PPP3CA: variants seen among roughly 807,000 people sequenced by gnomAD.
PPP3CA encodes the protein CAM-PRP catalytic subunit.
In PPP3CA, 14 loss-of-function variants were observed where a neutral mutation model predicts 66.5. That is an observed-to-expected ratio of 0.21 (90% confidence interval 0.14 to 0.33). The LOEUF (loss-of-function observed/expected upper bound fraction) is 0.33, where lower values mean the gene tolerates loss of function less well. PPP3CA is among the 10% of genes least tolerant of loss of function. PPP3CA has a pLI of 1.00. For synonymous variants in PPP3CA, 232 were observed against 226.2 expected, an observed-to-expected ratio of 1.03 and a Z score of -0.23; for missense variants, 317 against 639.5, an observed-to-expected ratio of 0.50 and a Z score of 5.44.
chr4:101,212,763 A>G (rs535360857), intron 1 of PPP3CA, among the ~76,000 whole-genome samples: 3 of 152,036 alleles, frequency 2.0e-5, no homozygotes, highest in African/African-American at 4.8e-5. Context: ...CAGCAATTAA[A>G]CTACTGGGCT....
At chr4:101,093,551 A>C (rs1173077380) in intron 6 of PPP3CA, among the ~76,000 whole-genome samples, 3 of 152,222 alleles carry the variant, frequency 2.0e-5, no homozygotes, top group Non-Finnish European at 2.9e-5. Context: ...TCTAGAATCA[A>C]ACCCTTAACA....
chr4:101,299,683 G>T (rs1467484927), intron 1 of PPP3CA, among the ~76,000 whole-genome samples: 2 of 152,150 alleles, frequency 1.3e-5, no homozygotes, highest in South Asian at 4.2e-4. Context: ...GAATGCTAAA[G>T]GACAGACACT....
chr4:101,320,609 A>G (rs765739253), intron 1 of PPP3CA, among the ~76,000 whole-genome samples: 1 of 152,110 alleles, frequency 6.6e-6, no homozygotes, highest in Non-Finnish European at 1.5e-5. Context: ...TAACCTTCAT[A>G]TAGAAAGAAA....
intron 1 of PPP3CA, among the ~76,000 whole-genome samples, chr4:101,215,789 T>C (rs767089661): frequency 4.6e-5 from 7 of 152,128 alleles, no homozygotes; most frequent in East Asian, 1.9e-4. Context: ...GCTGATATAA[T>C]TGTAAATTTA....
rs572430563 is a variant in PPP3CA at position 101,072,868 on chromosome 4, G to A, written c.955+7664C>T. 1.3e-4 allele frequency among the ~76,000 whole-genome samples: 19 copies of A among 150,576 alleles called. 1 individual carries two copies. In the South Asian group the frequency reaches 2.5e-3, roughly 20 times the overall value. ...GGAGAATGGTGTGAACCCAGAAGGC[G>A]GAGCTTGCAGTGAGCCGAGATTGAG... On this transcript the variant is annotated intron_variant, in intron 8 of 13. Transcript: ENST00000394854.
At chr4:101,201,386 C>T (rs961370730) in intron 1 of PPP3CA, among the ~76,000 whole-genome samples, 2 of 152,210 alleles carry the variant, frequency 1.3e-5, no homozygotes, top group Admixed American at 6.5e-5. Flanking sequence ...GATGCCCATG[C>T]CCTATGTCTA....
intron 2 of PPP3CA, among the ~76,000 whole-genome samples, chr4:101,128,115 T>C (rs1722304955): frequency 6.6e-6 from 1 of 152,180 alleles, no homozygotes. Flanking sequence ...TGTCCAGTCT[T>C]CCCTATCCTA....
At chr4:101,221,156 C>G (rs967386361) in intron 1 of PPP3CA, among the ~76,000 whole-genome samples, 3 of 151,326 alleles carry the variant, frequency 2.0e-5, no homozygotes, top group South Asian at 2.1e-4. Context: ...CATTAGTTAC[C>G]AAGTGGTAGG....
chr4:101,236,986 C>T (rs936134181), intron 1 of PPP3CA, among the ~76,000 whole-genome samples: 4 of 150,280 alleles, frequency 2.7e-5, no homozygotes, highest in African/African-American at 9.8e-5. Flanking sequence ...GATTAAATTA[C>T]ATAATCTGTG....
intron 5 of PPP3CA, among the ~76,000 whole-genome samples, chr4:101,096,093 G>C (rs1307276248): frequency 6.6e-6 from 1 of 152,044 alleles, no homozygotes; most frequent in Non-Finnish European, 1.5e-5. Flanking sequence ...CAGGAAACAA[G>C]GTTTATTTAT....
At position 101,134,710 on chromosome 4, in the gene PPP3CA, C is replaced by T. The variant is rs552332309; in HGVS notation, c.260-25632G>A. Among the ~76,000 whole-genome samples, 78 of 152,262 alleles carry T rather than the reference C, an allele frequency of 5.1e-4. 1 individual carries two copies. The South Asian group carries it at 0.015, about 28-fold the overall frequency. On this transcript the variant is annotated intron_variant, in intron 2 of 13. Transcript: ENST00000394854. Reference sequence around the variant, plus strand: ...TCTAGAACTGGAAATACCATTTGACCTAGCAATCTTATTACTGGGTATATA... The same window carrying T: ...TCTAGAACTGGAAATACCATTTGACTTAGCAATCTTATTACTGGGTATATA...
At chr4:101,207,235 G>C (rs1367484416) in intron 1 of PPP3CA, among the ~76,000 whole-genome samples, 1 of 152,084 alleles carries the variant, frequency 6.6e-6, no homozygotes, top group Non-Finnish European at 1.5e-5. Context: ...ATTTCAGAAA[G>C]CAGTTCAAAT....
intron 8 of PPP3CA, among the ~76,000 whole-genome samples, chr4:101,079,082 C>T (rs1450315086): frequency 6.6e-6 from 1 of 152,148 alleles, no homozygotes; most frequent in Non-Finnish European, 1.5e-5. Context: ...AAACACCATC[C>T]AGCAGATGTC....
chr4:101,026,731 T>TA (rs199674992), intron 13 of PPP3CA, among the ~76,000 whole-genome samples: 144 of 146,460 alleles, frequency 9.8e-4, no homozygotes, highest in Middle Eastern at 7.0e-3. Context: ...TAAGAGAAAC[T>TA]AAAAAAAAAA....
chr4:101,233,330 G>C (rs565106875), intron 1 of PPP3CA, among the ~76,000 whole-genome samples: 1 of 151,734 alleles, frequency 6.6e-6, no homozygotes, highest in East Asian at 1.9e-4. Flanking sequence ...ATCCACAAAA[G>C]TCCAGGGCAA....
At chr4:101,169,121 GT>G (rs1237737577) in intron 2 of PPP3CA, among the ~76,000 whole-genome samples, 4 of 152,158 alleles carry the variant, frequency 2.6e-5, no homozygotes, top group Non-Finnish European at 4.4e-5. Flanking sequence ...CAGATAAGCA[GT>G]TAAGCAATTA....
At chr4:101,152,451 T>A (rs1471321297) in intron 2 of PPP3CA, among the ~76,000 whole-genome samples, 2 of 152,218 alleles carry the variant, frequency 1.3e-5, no homozygotes, top group Non-Finnish European at 2.9e-5. Flanking sequence ...GTACACCCTG[T>A]CCAAATGATC....
At chr4:101,069,733 C>T (rs531294609) in intron 8 of PPP3CA, among the ~76,000 whole-genome samples, 3 of 152,104 alleles carry the variant, frequency 2.0e-5, no homozygotes, top group Non-Finnish European at 4.4e-5. Context: ...GCCTGCTCAA[C>T]ATGAAGAAGA....
intron 12 of PPP3CA, among the ~76,000 whole-genome samples, chr4:101,030,403 T>C (rs1320636144): frequency 1.3e-5 from 2 of 152,124 alleles, no homozygotes; most frequent in Non-Finnish European, 2.9e-5. Context: ...AAGTTGTAAG[T>C]AGTCTACCCT....
Sources: allele counts gnomAD v4.1 joint callset (sites outside exome capture counted in the v4.1 genomes callset), GRCh38; gene constraint gnomAD v4.1.1; transcripts MANE v1.5; gene names NCBI Gene and HGNC (gene_info 2026-07-23, HGNC 2026-07-21).